PPARD: variants seen among roughly 807,000 people sequenced by gnomAD.
PPARD encodes the protein peroxisome proliferator-activated receptor delta.
Under a neutral mutation model 39.5 loss-of-function variants are expected in PPARD, and 6 were observed. The ratio of observed to expected loss-of-function variants is 0.15; its 90% CI spans 0.08 to 0.30. The LOEUF (loss-of-function observed/expected upper bound fraction) is 0.30, where lower values mean the gene tolerates loss of function less well. PPARD is among the 10% of genes least tolerant of loss of function. The pLI is 1.00. For missense variants in PPARD, 397 were observed against 596.8 expected (o/e 0.67, Z 3.49); for synonymous variants, 210 against 231.3 (o/e 0.91, Z 0.83).
chr6:35,426,221 C>A lies in PPARD; in HGVS notation c.*142C>A. On this transcript the variant is annotated 3_prime_UTR_variant, in exon 8 of 8. Coordinates refer to ENST00000360694, the MANE Select transcript of PPARD (RefSeq NM_006238.5). ...CGATCGCCCTCAGACACATGACACC[C>A]ACGGCCTCTGGCTCCCTGTGCCCTC... is the stretch of plus-strand genomic sequence containing the variant. 1 of 1,174,894 alleles carries A rather than the reference C, an allele frequency of 8.5e-7. No homozygotes were observed. The highest frequency in any genetic ancestry group is 1.2e-6 in the Non-Finnish European group (1 of 854,910). The allele number at this position is 1,174,894 out of a possible 1,614,324, so 72.8% of individuals were successfully genotyped here. A position where few individuals can be genotyped will look rare whatever the true frequency, so the allele number is the denominator to read the frequency against.
intron 1 of PPARD, among the ~76,000 whole-genome samples, chr6:35,345,460 A>C (rs1478413791): frequency 1.3e-5 from 2 of 152,082 alleles, no homozygotes; most frequent in East Asian, 3.9e-4. Context: ...TAATTAAAAA[A>C]CAATTTTTTT....
intron 2 of PPARD, among the ~76,000 whole-genome samples, chr6:35,399,905 T>G (rs1464151137): frequency 1.3e-5 from 2 of 152,214 alleles, no homozygotes; most frequent in Non-Finnish European, 2.9e-5. Flanking sequence ...ATTTAACCAT[T>G]CCTCTATTAT....
At chr6:35,376,675 G>A (rs1762830647) in intron 2 of PPARD, among the ~76,000 whole-genome samples, 1 of 152,098 alleles carries the variant, frequency 6.6e-6, no homozygotes, top group Non-Finnish European at 1.5e-5. Context: ...TACCCTAGTA[G>A]TGTAAGTTCA....
Position 35,420,155 on chromosome 6 carries a change from A to G in PPARD, c.159A>G (p.Ser53=), listed in dbSNP as rs1187309869. Residue 53 remains serine, a synonymous_variant, in exon 4 of 8, where the codon TCA becomes TCG. Coordinates refer to ENST00000360694, the MANE Select transcript of PPARD (RefSeq NM_006238.5). ...TCTCCCGGAGCTCCTCGCCACCCTC[A>G]CTGCTGGACCAACTGCAGATGGGCT... is the stretch of plus-strand genomic sequence containing the variant. ...TDLSRSSSPP[S]LLDQLQMGCD... is the part of the protein sequence containing the mutation. 1 of 1,613,198 alleles carries G rather than the reference A, an allele frequency of 6.2e-7. No homozygotes were observed. Among genetic ancestry groups the G allele is most frequent in the Non-Finnish European group, 8.5e-7 (1 of 1,179,816 alleles).
intron 2 of PPARD, among the ~76,000 whole-genome samples, chr6:35,390,115 G>T (rs562737927): frequency 3.3e-5 from 5 of 152,322 alleles, no homozygotes; most frequent in African/African-American, 9.6e-5. Flanking sequence ...TGCGTTGCCT[G>T]ACTCACCTTG....
intron 2 of PPARD, among the ~76,000 whole-genome samples, chr6:35,364,383 G>C (rs1269024433): frequency 6.6e-6 from 1 of 151,752 alleles, no homozygotes; most frequent in Non-Finnish European, 1.5e-5. Context: ...GGTTCTCTTG[G>C]GAATATACTT....
At chr6:35,395,002 G>A (rs1374932829) in intron 2 of PPARD, among the ~76,000 whole-genome samples, 2 of 152,140 alleles carry the variant, frequency 1.3e-5, no homozygotes, top group African/African-American at 4.8e-5. Context: ...ACACAGCATA[G>A]TAAAGACAGA....
intron 2 of PPARD, chr6:35,348,747 C>G: frequency 1.0e-6 from 1 of 985,368 alleles, no homozygotes; most frequent in Non-Finnish European, 1.2e-6. Flanking sequence ...GGGGGCCCTC[C>G]TGCTTTCAAA....
At chr6:35,385,830 G>A (rs937346590) in intron 2 of PPARD, among the ~76,000 whole-genome samples, 4 of 152,054 alleles carry the variant, frequency 2.6e-5, no homozygotes, top group Non-Finnish European at 5.9e-5. Flanking sequence ...CAGTCCCGGT[G>A]TGTGAAATTG....
intron 3 of PPARD, among the ~76,000 whole-genome samples, chr6:35,418,145 C>T (rs539362182): frequency 1.5e-4 from 23 of 152,162 alleles, no homozygotes; most frequent in Non-Finnish European, 3.1e-4. Context: ...AGGAAGCAGA[C>T]GTGCAGGCCA....
At position 35,380,469 on chromosome 6, in the gene PPARD, T is replaced by TG. The variant is rs1562190276; in HGVS notation, c.-101-30518_-101-30517insG. On this transcript the variant is annotated intron_variant, in intron 2 of 7. Transcript: ENST00000360694. ...GCCAATTAACCTCGTGTTTTTTTTT[T>TG]TTGTTTGTTTTTTTTTTTTTTTTTT... 2.1e-4 allele frequency among the ~76,000 whole-genome samples: 22 copies of TG among 102,692 alleles called. 2 individuals carry two copies. The highest frequency in any genetic ancestry group is 1.5e-3 in the African/African-American group (17 of 11,318). 67.4% of individuals were successfully genotyped at this position (102,692 alleles called of 152,430 possible). A position where few individuals can be genotyped will look rare whatever the true frequency, so the allele number is the denominator to read the frequency against.
rs199635143 is a variant in PPARD at position 35,388,025 on chromosome 6, C to CTT, written c.-101-22947_-101-22946dup. ...GTGCGAGCCACCACACCTGGCCATT[C>CTT]TTTTTTTTTTTTTTTTAAAGCTTTT... On this transcript the variant is annotated intron_variant, in intron 2 of 7. Coordinates refer to ENST00000360694, the MANE Select transcript of PPARD (RefSeq NM_006238.5). Among the ~76,000 whole-genome samples the CTT allele has an allele frequency of 2.0e-4, 27 of 136,672 alleles. No individual in the cohort carries two copies. In the South Asian group the frequency reaches 4.5e-3, roughly 23 times the overall value. 89.7% of individuals were successfully genotyped at this position (136,672 alleles called of 152,430 possible). A position where few individuals can be genotyped will look rare whatever the true frequency, so the allele number is the denominator to read the frequency against.
intron 2 of PPARD, among the ~76,000 whole-genome samples, chr6:35,386,975 GGA>G (rs1260907819): frequency 1.3e-5 from 2 of 149,828 alleles, no homozygotes; most frequent in East Asian, 2.0e-4. Context: ...AGGAGGTGGG[GGA>G]AACCTGCTTT....
chr6:35,352,328 C>T (rs555159640), intron 2 of PPARD, among the ~76,000 whole-genome samples: 3 of 152,098 alleles, frequency 2.0e-5, no homozygotes, highest in Admixed American at 6.6e-5. Context: ...GGACCACAGG[C>T]GCGCACCCCA....
chr6:35,380,461 T>G (rs796689731), intron 2 of PPARD, among the ~76,000 whole-genome samples: 654 of 2,346 alleles, frequency 0.28, 3 homozygotes, highest in African/African-American at 0.35. Flanking sequence ...AACCTCGTGT[T>G]TTTTTTTTTT....
At chr6:35,369,847 C>T (rs911268339) in intron 2 of PPARD, among the ~76,000 whole-genome samples, 6 of 152,170 alleles carry the variant, frequency 3.9e-5, no homozygotes, top group African/African-American at 1.4e-4. Flanking sequence ...GTGACTAGAA[C>T]AAAAGCTCTT....
intron 2 of PPARD, among the ~76,000 whole-genome samples, chr6:35,365,130 CTTTTT>C (rs551946022): frequency 0.1 from 12,582 of 121,020 alleles, 1,520 homozygotes; most frequent in African/African-American, 0.35. Context: ...CTTCCTTATT[CTTTTT>C]TTTTTTTTTT....
chr6:35,379,225 TC>T, intron 2 of PPARD, among the ~76,000 whole-genome samples: 1 of 151,038 alleles, frequency 6.6e-6, no homozygotes, highest in East Asian at 2.0e-4. Context: ...TGCCTCAGCC[TC>T]CCGAGTAGCT....
At chr6:35,377,405 C>T (rs9658090) in intron 2 of PPARD, among the ~76,000 whole-genome samples, 2 of 152,102 alleles carry the variant, frequency 1.3e-5, no homozygotes, top group African/African-American at 4.8e-5. Context: ...AAATGCTTAG[C>T]GTGTCATATG....
Sources: gnomAD v4.1 joint callset for allele counts (sites outside exome capture counted in the v4.1 genomes callset) on GRCh38, gnomAD v4.1.1 for gene constraint, MANE v1.5 for transcripts, NCBI Gene and HGNC (gene_info 2026-07-23, HGNC 2026-07-21) for gene names.